LDAF1: variants seen among roughly 807,000 people sequenced by gnomAD.
LDAF1 encodes the protein lipid droplet assembly factor 1, also known as PROMETHIN.
Under a neutral mutation model 13.5 loss-of-function variants are expected in LDAF1, and 7 were observed. The ratio of observed to expected loss-of-function variants is 0.52; its 90% CI spans 0.29 to 0.97. The LOEUF (loss-of-function observed/expected upper bound fraction) is 0.97. LDAF1 is among the 50% of genes least tolerant of loss of function. The probability of loss-of-function intolerance (pLI) is 0.07; values close to 1 mark genes in which losing one functional copy is unlikely to be tolerated. For synonymous variants in LDAF1, 69 were observed against 77.1 expected (o/e 0.89, Z 0.55); for missense variants, 148 against 193.2 (o/e 0.77, Z 1.39).
intron 3 of LDAF1, among the ~76,000 whole-genome samples, chr16:21,173,585 G>C (rs2093110093): frequency 6.6e-6 from 1 of 152,160 alleles, no homozygotes; most frequent in Admixed American, 6.5e-5. Flanking sequence ...GTAGTGGCAG[G>C]CACCTGTAAT....
At chr16:21,176,890 ACT>A (rs1185235856) in intron 4 of LDAF1, among the ~76,000 whole-genome samples, 1 of 148,084 alleles carries the variant, frequency 6.8e-6, no homozygotes, top group African/African-American at 2.5e-5. Flanking sequence ...ACAGAGCTAG[ACT>A]CTGTCTGGAA....
chr16:21,174,714 T>G (rs2093123833), intron 4 of LDAF1, among the ~76,000 whole-genome samples: 1 of 152,212 alleles, frequency 6.6e-6, no homozygotes, highest in African/African-American at 2.4e-5. Flanking sequence ...TCTATCAGTA[T>G]TATTGATTCC....
At chr16:21,176,585 G>A (rs1259859140) in intron 4 of LDAF1, among the ~76,000 whole-genome samples, 3 of 152,174 alleles carry the variant, frequency 2.0e-5, no homozygotes, top group Non-Finnish European at 2.9e-5. Flanking sequence ...CAAGGCTGCA[G>A]TGAGCTGTGA....
At chr16:21,168,312 C>T (rs1013344541) in intron 2 of LDAF1, among the ~76,000 whole-genome samples, 1 of 151,902 alleles carries the variant, frequency 6.6e-6, no homozygotes, top group African/African-American at 2.4e-5. Flanking sequence ...ACCATGCTGG[C>T]CAGGCCTTAG....
intron 2 of LDAF1, chr16:21,169,169 G>A (rs2093061916): frequency 2.0e-6 from 2 of 984,516 alleles, no homozygotes; most frequent in Admixed American, 1.2e-4. Context: ...CTGAGATTTT[G>A]CAACTTGGAG....
intron 4 of LDAF1, among the ~76,000 whole-genome samples, chr16:21,175,280 A>G (rs2093128967): frequency 6.6e-6 from 1 of 152,194 alleles, no homozygotes; most frequent in African/African-American, 2.4e-5. Context: ...TCCAGGCCTT[A>G]TGTCATGTAA....
intron 2 of LDAF1, among the ~76,000 whole-genome samples, chr16:21,165,951 C>G (rs549005224): frequency 2.6e-3 from 390 of 152,146 alleles, no homozygotes; most frequent in African/African-American, 7.5e-3. Flanking sequence ...CCTCTGACTC[C>G]CGGGTTCAAG....
At chr16:21,168,896 A>G (rs1453641405) in intron 2 of LDAF1, among the ~76,000 whole-genome samples, 8 of 134,386 alleles carry the variant, frequency 6.0e-5, no homozygotes, top group African/African-American at 2.2e-4. Flanking sequence ...ATATATTTAT[A>G]TTTATATATT....
At chr16:21,165,952 C>T (rs1263977194) in intron 2 of LDAF1, among the ~76,000 whole-genome samples, 3 of 152,062 alleles carry the variant, frequency 2.0e-5, no homozygotes, top group South Asian at 2.1e-4. Flanking sequence ...CTCTGACTCC[C>T]GGGTTCAAGT....
intron 4 of LDAF1, chr16:21,177,379 A>C (rs1472049855): frequency 6.6e-6 from 1 of 151,438 alleles, no homozygotes; most frequent in Non-Finnish European, 1.5e-5. Flanking sequence ...TTTCTACTCT[A>C]TTTTATTGAA....
intron 2 of LDAF1, chr16:21,165,523 C>CT (rs1184800505): frequency 2.2e-6 from 2 of 922,336 alleles, no homozygotes; most frequent in African/African-American, 1.8e-5. Context: ...CTGTGTATTC[C>CT]TTCTTTTGTC....
chr16:21,170,538 T>G lies in LDAF1; in HGVS notation c.198T>G (p.Val66=). Residue 66 remains valine, a synonymous_variant, in exon 3 of 5, where the codon GTT becomes GTG. Coordinates refer to ENST00000233047, the MANE Select transcript of LDAF1 (RefSeq NM_001301771.2). ...LVFIVMSAVP[V]GFFLLIVVLT... ...TCATTGTCATGTCGGCCGTTCCTGT[T>G]GGATTCTTCCTGCTCATCGTGGTGC... 6.2e-7 allele frequency: 1 copy of G among 1,614,216 alleles called. No individual in the cohort carries two copies. The highest frequency in any genetic ancestry group is 2.2e-5 in the East Asian group (1 of 44,888).
intron 2 of LDAF1, among the ~76,000 whole-genome samples, chr16:21,166,601 C>T (rs967156528): frequency 4.6e-5 from 7 of 152,216 alleles, no homozygotes; most frequent in Middle Eastern, 3.2e-3. Context: ...CTGCACAGCC[C>T]TTCCCTCGCT....
chr16:21,167,761 C>G (rs2093039796), intron 2 of LDAF1, among the ~76,000 whole-genome samples: 1 of 138,656 alleles, frequency 7.2e-6, no homozygotes, highest in Non-Finnish European at 1.5e-5. Flanking sequence ...AATCTCAGCA[C>G]TTTGGGAGGC....
rs376882156 is a variant in LDAF1, at chr16:21,170,624, C to T, written c.265+19C>T. ...TTGGAAGGTAGCCTGTTCCGTCATT[C>T]ACCCCTTTAGAAAATAATTCAATTG... On this transcript the variant is annotated intron_variant, in intron 3 of 4. Transcript: ENST00000233047. The T allele has an allele frequency of 1.3e-4, 215 of 1,613,716 alleles. No homozygotes were observed. Among genetic ancestry groups the T allele is most frequent in the Non-Finnish European group, 1.8e-4 (210 of 1,179,838 alleles).
At chr16:21,177,957 C>T (rs530572026) in intron 4 of LDAF1, among the ~76,000 whole-genome samples, 7 of 152,094 alleles carry the variant, frequency 4.6e-5, no homozygotes, top group Non-Finnish European at 5.9e-5. Flanking sequence ...AAAGATAACT[C>T]CCTCATTAAA....
chr16:21,166,846 C>T (rs1466209417), intron 2 of LDAF1: 5 of 1,535,708 alleles, frequency 3.3e-6, no homozygotes, highest in Non-Finnish European at 3.5e-6. Context: ...TCAGCTGCCC[C>T]AACACAGCAG....
In LDAF1 at chr16:21,179,705, A is replaced by G. The variant is rs1391404178; in HGVS notation, c.*149A>G. 3.2e-6 allele frequency: 2 copies of G among 630,298 alleles called. No individual in the cohort carries two copies. Among genetic ancestry groups the G allele is most frequent in the Non-Finnish European group, 5.4e-6 (2 of 367,262 alleles). The allele number at this position is 630,298 out of a possible 1,614,324, so 39.0% of individuals were successfully genotyped here. A position where few individuals can be genotyped will look rare whatever the true frequency, so the allele number is the denominator to read the frequency against. On this transcript the variant is annotated 3_prime_UTR_variant, in exon 5 of 5. Coordinates refer to ENST00000233047, the MANE Select transcript of LDAF1 (RefSeq NM_001301771.2). ...TCACTTACTTGTAGGATCCCGCAGC[A>G]GCCAATTTAGGGATTGTGTTGTTCT...
At chr16:21,169,614 C>T (rs1270168) in intron 2 of LDAF1, among the ~76,000 whole-genome samples, 23,056 of 152,162 alleles carry the variant, frequency 0.15, 2,332 homozygotes, top group Non-Finnish European at 0.23. Context: ...CAGCCAGATT[C>T]TGTATTTCTA....
Sources: allele counts gnomAD v4.1 joint callset (sites outside exome capture counted in the v4.1 genomes callset), GRCh38; gene constraint gnomAD v4.1.1; transcripts MANE v1.5; gene names NCBI Gene and HGNC (gene_info 2026-07-23, HGNC 2026-07-21).